CCDC88B: variants seen among roughly 807,000 people sequenced by gnomAD.
CCDC88B encodes coiled-coil and HOOK domain protein 88B, also known as coiled-coil domain-containing protein 88B.
A neutral mutation model predicts 183.7 loss-of-function variants in CCDC88B; 138 were observed. The ratio of observed to expected loss-of-function variants is 0.75; its 90% CI spans 0.65 to 0.87. The LOEUF is 0.87. Ranked by LOEUF, CCDC88B falls within the 40% of genes least tolerant of loss-of-function variation. CCDC88B has a pLI of 0.00. For missense variants in CCDC88B, 1,822 were observed against 1,965.6 expected (o/e 0.93, Z 1.38); for synonymous variants, 835 against 867.5 (o/e 0.96, Z 0.66).
chr11:64,352,057 G>A, intron 18 of CCDC88B, 73 bp from the exon 19 acceptor site: 1 of 1,509,522 alleles, frequency 6.6e-7, no homozygotes, highest in Non-Finnish European at 8.9e-7. Context: ...TCTGCCCTTA[G>A]CCCCCCGCCT....
At position 64,354,005 on chromosome 11, in the gene CCDC88B, A is replaced by T; in HGVS notation, c.3934A>T (p.Lys1312Ter). 2.0e-6 allele frequency: 3 copies of T among 1,477,802 alleles called. No individual in the cohort carries two copies. 91.5% of individuals were successfully genotyped at this position (1,477,802 alleles called of 1,614,324 possible). A position where few individuals can be genotyped will look rare whatever the true frequency, so the allele number is the denominator to read the frequency against. Residue 1312 changes from lysine to a stop codon, truncating the protein, a stop_gained and splice_region_variant, in exon 24 of 27, where the codon AAG becomes TAG. Coordinates refer to ENST00000356786, the MANE Select transcript of CCDC88B (RefSeq NM_032251.6). LOFTEE classifies it high-confidence loss of function. The stretch of plus-strand genomic sequence containing the variant: ...CCTCTTGTGCCCTCTTGCCCCCAGG[A>T]AGGGCAGCTGGCTGGCAGACAAGGT... ...LEPVPLPRTK[K>*]GSWLADKVKR...
rs566614952 is a variant in CCDC88B, at chr11:64,351,630, C to T, written c.3099+14C>T. The T allele has an allele frequency of 9.0e-6, 14 of 1,552,806 alleles. No homozygotes were observed. Among genetic ancestry groups the T allele is most frequent in the African/African-American group, 6.8e-5 (5 of 73,778 alleles). On this transcript the variant is annotated intron_variant, in intron 18 of 26. Coordinates refer to ENST00000356786, the MANE Select transcript of CCDC88B (RefSeq NM_032251.6). ...AGCCGCCTGCAGGTGGGTGGTGGCC[C>T]GGGTGCCCATCCCTGCCCATGTACT...
intron 19 of CCDC88B, 81 bp from the exon 20 acceptor site, chr11:64,352,663 G>T: frequency 6.3e-7 from 1 of 1,582,718 alleles, no homozygotes; most frequent in Non-Finnish European, 8.6e-7. Flanking sequence ...AGACCCCCCC[G>T]CCCCGGGTCC....
At position 64,357,317 on chromosome 11, in the gene CCDC88B, A is replaced by C. The variant is rs2036580114; in HGVS notation, c.*223A>C. Reference sequence around the variant, plus strand: ...ATGGCTGGCCCCCACGAGCAGCTCCAGGCTGGAGTTCTGGTTCTTCCAGGT... The same window carrying C: ...ATGGCTGGCCCCCACGAGCAGCTCCCGGCTGGAGTTCTGGTTCTTCCAGGT... On this transcript the variant is annotated 3_prime_UTR_variant, in exon 27 of 27. Coordinates refer to ENST00000356786, the MANE Select transcript of CCDC88B (RefSeq NM_032251.6). The C allele has an allele frequency of 1.4e-6, 1 of 723,084 alleles. No individual in the cohort carries two copies. Among genetic ancestry groups the C allele is most frequent in the Non-Finnish European group, 2.6e-6 (1 of 390,138 alleles). 44.8% of individuals were successfully genotyped at this position (723,084 alleles called of 1,614,324 possible).
intron 14 of CCDC88B, among the ~76,000 whole-genome samples, chr11:64,347,060 C>T (rs1287312421): frequency 6.6e-6 from 1 of 152,180 alleles, no homozygotes; most frequent in East Asian, 1.9e-4. Flanking sequence ...TCCCAAAGTG[C>T]TGGGATTACA....
rs2036370372 is a variant in CCDC88B, at chr11:64,352,366, C to G, written c.3336C>G (p.Ala1112=). 6.5e-7 allele frequency: 1 copy of G among 1,539,550 alleles called. No homozygotes were observed. The highest frequency in any genetic ancestry group is 8.7e-7 in the Non-Finnish European group (1 of 1,143,658). ...LKANMRALEL[A]HRELQGRHEQ... ...CCAACATGCGGGCACTGGAGCTGGC[C>G]CACCGGGAGCTGCAGGGCCGGTGAG... Residue 1112 remains alanine, a synonymous_variant, in exon 19 of 27, where the codon GCC becomes GCG. Transcript: ENST00000356786.
rs757105963 is a variant in CCDC88B at position 64,340,907 on chromosome 11, T to C, written c.207T>C (p.Ile69=). The C allele has an allele frequency of 5.2e-6, 8 of 1,547,534 alleles. No homozygotes were observed. The highest frequency in any genetic ancestry group is 7.0e-6 in the Non-Finnish European group (8 of 1,147,020). Residue 69 remains isoleucine (I), a splice_region_variant and synonymous_variant, in exon 3 of 27, where the codon ATT becomes ATC. Coordinates refer to ENST00000356786, the MANE Select transcript of CCDC88B (RefSeq NM_032251.6). The part of the protein sequence containing the change: ...GALLLRVLGI[I]APSSRGGPRM... ...CCTCGAGCCCACCTCCGGCTCATAG[T>C]GCCCCCAGCTCCCGAGGGGGACCTC...
At chr11:64,349,737 G>A in intron 16 of CCDC88B, 69 bp downstream of exon 16, 1 of 1,381,428 alleles carries the variant, frequency 7.2e-7, no homozygotes, top group Non-Finnish European at 1.0e-6. Context: ...CAGATGCCAG[G>A]GTCATCTGTC....
chr11:64,352,722 C>T (rs755380976), intron 19 of CCDC88B, 22 bp from the exon 20 acceptor site: 1 of 1,613,232 alleles, frequency 6.2e-7, no homozygotes, highest in Non-Finnish European at 8.5e-7. Context: ...ACACAGCCCT[C>T]TTAGCCCCTT....
Position 64,340,692 on chromosome 11 carries a change from T to C in CCDC88B, c.146T>C (p.Leu49Ser). The change falls in exon 2 of 27, where the codon TTG becomes TCG. Residue 49 changes from leucine to serine, a missense_variant. Physicochemically the swap from Leu to Ser is moderately radical, Grantham distance 145. Transcript: ENST00000356786. The part of the protein sequence containing the change: ...EEEEEEPPLW[L>S]EKRFLRLSDG... ...GAGGAGGAAGAGCCGCCCCTTTGGT[T>C]GGAGAAGAGATTCCTGCGCCTCAGC... The C allele has an allele frequency of 6.2e-7, 1 of 1,612,312 alleles. No individual in the cohort carries two copies. Among genetic ancestry groups the C allele is most frequent in the Non-Finnish European group, 8.5e-7 (1 of 1,179,746 alleles).
In CCDC88B at chr11:64,340,287, C is replaced by A; in HGVS notation, c.21C>A (p.Pro7=). The stretch of plus-strand genomic sequence containing the variant: ...CGGGCATGGAGGGGGGCAAGGGGCC[C>A]AGGCTCAGAGACTTCCTGAGTGGGA... MEGGKG[P]RLRDFLSGSL... is the part of the protein sequence containing the mutation. The change falls in exon 1 of 27, where the codon CCC becomes CCA. Residue 7 remains proline, a synonymous_variant. Coordinates refer to ENST00000356786, the MANE Select transcript of CCDC88B (RefSeq NM_032251.6). 7.9e-7 allele frequency: 1 copy of A among 1,272,890 alleles called. No individual in the cohort carries two copies. The highest frequency in any genetic ancestry group is 1.0e-6 in the Non-Finnish European group (1 of 1,000,804). 78.8% of individuals were successfully genotyped at this position (1,272,890 alleles called of 1,614,324 possible). A position where few individuals can be genotyped will look rare whatever the true frequency, so the allele number is the denominator to read the frequency against.
At position 64,345,177 on chromosome 11, in the gene CCDC88B, A is replaced by C; in HGVS notation, c.2616+20A>C. The C allele has an allele frequency of 6.5e-7, 1 of 1,534,552 alleles. No individual in the cohort carries two copies. Reference sequence around the variant, plus strand: ...CAGGCGGTAGGTCAGGTTGGGGCTCACCGCTGGGGTTGGGAAGCAGAGTTC... The same window carrying C: ...CAGGCGGTAGGTCAGGTTGGGGCTCCCCGCTGGGGTTGGGAAGCAGAGTTC... On this transcript the variant is annotated intron_variant, in intron 14 of 26. Coordinates refer to ENST00000356786, the MANE Select transcript of CCDC88B (RefSeq NM_032251.6).
rs1258424034 is a variant in CCDC88B at position 64,352,390 on chromosome 11, A to G, written c.3356+4A>G. 1.3e-6 allele frequency: 2 copies of G among 1,524,938 alleles called. No homozygotes were observed. Among genetic ancestry groups the G allele is most frequent in the Non-Finnish European group, 1.8e-6 (2 of 1,135,534 alleles). The allele number at this position is 1,524,938 out of a possible 1,614,324, so 94.5% of individuals were successfully genotyped here. Reference sequence around the variant, plus strand: ...CCCACCGGGAGCTGCAGGGCCGGTGAGCATCACCAAATGCCCAGCTCCTCC... The same window carrying G: ...CCCACCGGGAGCTGCAGGGCCGGTGGGCATCACCAAATGCCCAGCTCCTCC... On this transcript the variant is annotated splice_donor_region_variant and intron_variant, in intron 19 of 26. Transcript: ENST00000356786.
At chr11:64,350,812 G>C (rs892136661) in intron 16 of CCDC88B, 1 of 181,676 alleles carries the variant, frequency 5.5e-6, no homozygotes, top group Non-Finnish European at 1.1e-5. Context: ...AGAGGTTGCA[G>C]TGAGCCCAGA....
Position 64,357,231 on chromosome 11 carries a change from T to A in CCDC88B, c.*137T>A. The A allele has an allele frequency of 1.9e-6, 2 of 1,065,556 alleles. No individual in the cohort carries two copies. Among genetic ancestry groups the A allele is most frequent in the Non-Finnish European group, 2.9e-6 (2 of 690,310 alleles). 66.0% of individuals were successfully genotyped at this position (1,065,556 alleles called of 1,614,324 possible). On this transcript the variant is annotated 3_prime_UTR_variant, in exon 27 of 27. Coordinates refer to ENST00000356786, the MANE Select transcript of CCDC88B (RefSeq NM_032251.6). ...GGACAAGGAGGCCTGGGCCCTGAGA[T>A]CCTCCACGGTCAGCGCCGGGGCCCG...
rs761019629 is a variant in CCDC88B, at chr11:64,349,599, G to C, written c.2793G>C (p.Ala931=). The C allele has an allele frequency of 6.2e-6, 10 of 1,600,814 alleles. No individual in the cohort carries two copies. Among genetic ancestry groups the C allele is most frequent in the African/African-American group, 1.3e-5 (1 of 74,794 alleles). ...TGGAAGCTGAGCTGCAGGCGGCGGC[G>C]ACCAGCAAGGAGGAGGCGCTGATGG... The part of the protein sequence containing the change: ...QRLEAELQAA[A]TSKEEALMEL... The change falls in exon 16 of 27, where the codon GCG becomes GCC. Residue 931 remains alanine (A), a synonymous_variant. Coordinates refer to ENST00000356786, the MANE Select transcript of CCDC88B (RefSeq NM_032251.6).
At chr11:64,349,814 G>A in intron 16 of CCDC88B, 146 bp downstream of exon 16, 1 of 726,242 alleles carries the variant, frequency 1.4e-6, no homozygotes, top group Admixed American at 2.4e-5. Flanking sequence ...GCCTGTTGGA[G>A]AGAGCACTGT....
Position 64,340,985 on chromosome 11 carries a change from C to T in CCDC88B, c.285C>T (p.Asn95=), listed in dbSNP as rs1158010124. 6.2e-7 allele frequency: 1 copy of T among 1,607,220 alleles called. No homozygotes were observed. The highest frequency in any genetic ancestry group is 1.1e-5 in the South Asian group (1 of 90,128). ...GPAAWRVWNL[N]HLWGRLRDFY... ...CTGCCTGGCGAGTGTGGAACCTGAACCACCTGTGGGGCCGACTGAGGGACT... is the reference window on the plus strand; with the variant it reads ...CTGCCTGGCGAGTGTGGAACCTGAATCACCTGTGGGGCCGACTGAGGGACT... Residue 95 remains asparagine, a synonymous_variant, in exon 3 of 27, where the codon AAC becomes AAT. Transcript: ENST00000356786.
intron 14 of CCDC88B, among the ~76,000 whole-genome samples, chr11:64,347,448 C>A (rs1246081537): frequency 6.6e-6 from 1 of 152,208 alleles, no homozygotes; most frequent in African/African-American, 2.4e-5. Flanking sequence ...CATTTCTGTA[C>A]AGACAAGGAC....
Sources: gnomAD v4.1 joint callset for allele counts (sites outside exome capture counted in the v4.1 genomes callset) on GRCh38, gnomAD v4.1.1 for gene constraint, MANE v1.5 for transcripts, NCBI Gene and HGNC (gene_info 2026-07-23, HGNC 2026-07-21) for gene names.